Variants in KSR1 observed in about 807,000 individuals in gnomAD.
KSR1 encodes the protein kinase suppressor of ras 1, also known as kinase suppressor of ras.
KSR1 carries 35 observed loss-of-function variants against 92.9 expected under a neutral mutation model. That is an observed-to-expected ratio of 0.38 (90% CI 0.29 to 0.50). The LOEUF (loss-of-function observed/expected upper bound fraction) is 0.50, where lower values mean the gene tolerates loss of function less well. KSR1 is among the 20% of genes least tolerant of loss of function. KSR1 has a pLI of 0.94. For missense variants in KSR1, 972 were observed against 1,158.5 expected (o/e 0.84, Z 2.34); for synonymous variants, 467 against 472.6 (o/e 0.99, Z 0.15).
intron 10 of KSR1, among the ~76,000 whole-genome samples, chr17:27,599,543 C>G (rs948567831): frequency 1.2e-4 from 18 of 152,194 alleles, no homozygotes; most frequent in African/African-American, 4.3e-4. Flanking sequence ...GGTGACAGAG[C>G]AAGACTCTGT....
chr17:27,571,106 G>C (rs1336224515), intron 2 of KSR1, among the ~76,000 whole-genome samples: 1 of 152,174 alleles, frequency 6.6e-6, no homozygotes, highest in African/African-American at 2.4e-5. Context: ...GTTAAGAGGG[G>C]AGTTTGCCCT....
At chr17:27,583,249 C>T in intron 4 of KSR1, 144 bp downstream of exon 4, 1 of 623,042 alleles carries the variant, frequency 1.6e-6, no homozygotes. Flanking sequence ...CAGTCCATTC[C>T]TCAGACTACT....
intron 12 of KSR1, among the ~76,000 whole-genome samples, chr17:27,604,148 G>C (rs1011327298): frequency 1.3e-5 from 2 of 152,156 alleles, no homozygotes; most frequent in African/African-American, 4.8e-5. Flanking sequence ...AGGGCATTTG[G>C]AGTTAGAGAA....
chr17:27,569,390 G>T (rs1199030359), intron 2 of KSR1, among the ~76,000 whole-genome samples: 2 of 152,222 alleles, frequency 1.3e-5, no homozygotes, highest in Non-Finnish European at 2.9e-5. Flanking sequence ...ATGTGGGTGT[G>T]CCCGCAAGCC....
intron 5 of KSR1, among the ~76,000 whole-genome samples, chr17:27,586,756 C>T (rs2151180018): frequency 6.6e-6 from 1 of 152,342 alleles, no homozygotes; most frequent in South Asian, 2.1e-4. Flanking sequence ...CCTCACTGCC[C>T]ATGCCCCCAG....
Position 27,582,682 on chromosome 17 carries a change from T to C in KSR1, c.557T>C (p.Leu186Ser), listed in dbSNP as rs530770229. ...EHKEDSSWSS[L>S]DARRESGSGP... ...AAGGAGGACTCCAGTTGGAGTTCATTGGATGCGCGGCGGGAAAGTGGCTCA... is the reference window on the plus strand; with the variant it reads ...AAGGAGGACTCCAGTTGGAGTTCATCGGATGCGCGGCGGGAAAGTGGCTCA... Residue 186 changes from leucine (L) to serine (S), a missense_variant, in exon 4 of 21, where the codon TTG (leucine) becomes TCG (serine). Leu to Ser is a moderately radical substitution (Grantham distance 145). Transcript: ENST00000644974. The C allele has an allele frequency of 3.1e-6, 5 of 1,612,944 alleles. No homozygotes were observed. The African/African-American group carries it at 6.7e-5, about 22-fold the overall frequency.
At chr17:27,478,376 C>T (rs989062145) in intron 1 of KSR1, among the ~76,000 whole-genome samples, 1 of 152,182 alleles carries the variant, frequency 6.6e-6, no homozygotes, top group Non-Finnish European at 1.5e-5. Context: ...CCAGTTTCCT[C>T]ATCTGAGGAA....
At chr17:27,573,254 C>A (rs2072378812) in intron 2 of KSR1, among the ~76,000 whole-genome samples, 1 of 152,216 alleles carries the variant, frequency 6.6e-6, no homozygotes, top group Non-Finnish European at 1.5e-5. Context: ...ATTCAGATTT[C>A]TTTAAAACCA....
At chr17:27,457,195 T>C (rs1173598177) in intron 1 of KSR1, among the ~76,000 whole-genome samples, 2 of 151,780 alleles carry the variant, frequency 1.3e-5, no homozygotes, top group African/African-American at 4.8e-5. Flanking sequence ...GCAGGACTCG[T>C]TGTCCCACCG....
chr17:27,600,705 A>G (rs1014720649), intron 10 of KSR1, among the ~76,000 whole-genome samples: 2 of 152,186 alleles, frequency 1.3e-5, no homozygotes, highest in South Asian at 2.1e-4. Flanking sequence ...CCACTCCATT[A>G]TAATTAGGGC....
intron 1 of KSR1, among the ~76,000 whole-genome samples, chr17:27,464,718 A>AC (rs2019603537): frequency 6.6e-6 from 1 of 151,676 alleles, no homozygotes; most frequent in South Asian, 2.1e-4. Flanking sequence ...AAAAAAAAAA[A>AC]ACCAGCAAGA....
chr17:27,556,939 G>A (rs1357541187), intron 2 of KSR1, among the ~76,000 whole-genome samples: 2 of 152,190 alleles, frequency 1.3e-5, no homozygotes, highest in Non-Finnish European at 2.9e-5. Context: ...CTGTTGTTTA[G>A]GAAACTAGAG....
At chr17:27,579,743 G>T (rs1045374950) in intron 3 of KSR1, 1 of 151,794 alleles carries the variant, frequency 6.6e-6, no homozygotes, top group African/African-American at 2.4e-5. Flanking sequence ...AAGAGTGGTT[G>T]TGTGTGCCTG....
Position 27,609,192 on chromosome 17 carries a change from C to G in KSR1, c.2092-4C>G. 2 of 1,613,102 alleles carry G rather than the reference C, an allele frequency of 1.2e-6. No individual in the cohort carries two copies. Among genetic ancestry groups the G allele is most frequent in the Non-Finnish European group, 1.7e-6 (2 of 1,179,200 alleles). On this transcript the variant is annotated splice_region_variant and splice_polypyrimidine_tract_variant and intron_variant, in intron 15 of 20. Coordinates refer to ENST00000644974, the MANE Select transcript of KSR1 (RefSeq NM_001394583.1). ...ATCTTCACTCCTCCTGATGTGTCCT[C>G]CAGGGCATGGGATATCTTCATGCCA... is the stretch of plus-strand genomic sequence containing the variant.
chr17:27,579,569 T>G (rs748332050), intron 3 of KSR1: 1 of 152,096 alleles, frequency 6.6e-6, no homozygotes, highest in Non-Finnish European at 1.5e-5. Context: ...CTTTGCAATC[T>G]CTGGTCTAAA....
In KSR1 at chr17:27,623,614, A is replaced by G; in HGVS notation, c.*222A>G. 1.6e-6 allele frequency: 1 copy of G among 620,842 alleles called. No individual in the cohort carries two copies. Among genetic ancestry groups the G allele is most frequent in the South Asian group, 1.9e-5 (1 of 52,718 alleles). 38.5% of individuals were successfully genotyped at this position (620,842 alleles called of 1,614,324 possible). A position where few individuals can be genotyped will look rare whatever the true frequency, so the allele number is the denominator to read the frequency against. On this transcript the variant is annotated 3_prime_UTR_variant, in exon 21 of 21. Coordinates refer to ENST00000644974, the MANE Select transcript of KSR1 (RefSeq NM_001394583.1). ...CCAACAACCAAACCTGTCATGACAG[A>G]CAGCAAATGTTTACACGTATATTTC...
In KSR1 at chr17:27,582,938, G is replaced by A. The variant is rs770956090; in HGVS notation, c.813G>A (p.Pro271=). The part of the protein sequence containing the change: ...TPRALHSFIT[P]PTTPQLRRHT... ...GTGCCCTGCACAGCTTCATCACCCC[G>A]CCCACCACACCCCAGCTGCGACGGC... Residue 271 remains proline, a synonymous_variant, in exon 4 of 21, where the codon CCG becomes CCA. Coordinates refer to ENST00000644974, the MANE Select transcript of KSR1 (RefSeq NM_001394583.1). 61 of 559,792 alleles carry A rather than the reference G, an allele frequency of 1.1e-4. No homozygotes were observed. The highest frequency in any genetic ancestry group is 1.4e-4 in the Non-Finnish European group (53 of 375,190). The allele number at this position is 559,792 out of a possible 1,614,324, so 34.7% of individuals were successfully genotyped here.
At chr17:27,530,560 G>C (rs529336860) in intron 1 of KSR1, among the ~76,000 whole-genome samples, 1 of 152,226 alleles carries the variant, frequency 6.6e-6, no homozygotes, top group South Asian at 2.1e-4. Context: ...TACGTCTACC[G>C]TGGGCTCCTG....
chr17:27,518,497 G>A (rs1235310590), intron 1 of KSR1, among the ~76,000 whole-genome samples: 1 of 152,150 alleles, frequency 6.6e-6, no homozygotes, highest in Non-Finnish European at 1.5e-5. Flanking sequence ...GTTAACTCTG[G>A]TGTTTGCTGT....
Sources: gnomAD v4.1 joint callset for allele counts (sites outside exome capture counted in the v4.1 genomes callset) on GRCh38, gnomAD v4.1.1 for gene constraint, MANE v1.5 for transcripts, NCBI Gene and HGNC (gene_info 2026-07-23, HGNC 2026-07-21) for gene names.